NAV2: variants seen among roughly 807,000 people sequenced by gnomAD.
NAV2 encodes neuron navigator 2.
A neutral mutation model predicts 223.2 loss-of-function variants in NAV2; 54 were observed. The observed-to-expected ratio is 0.24, with a 90% CI of 0.19 to 0.30. NAV2 has a LOEUF of 0.30. Ranked by LOEUF, NAV2 falls within the 10% of genes least tolerant of loss-of-function variation. The probability of loss-of-function intolerance (pLI) is 1.00; values close to 1 mark genes in which losing one functional copy is unlikely to be tolerated. For missense variants in NAV2, 2,806 were observed against 3,147.5 expected, an observed-to-expected ratio of 0.89 and a Z score of 2.60; for synonymous variants, 1,279 against 1,239.3, an observed-to-expected ratio of 1.03 and a Z score of -0.67.
upstream of NAV2, chr11:19,350,688 G>T: frequency 2.0e-6 from 1 of 489,996 alleles, no homozygotes; most frequent in South Asian, 2.3e-5. Context: ...CTCATGAAGC[G>T]AGTCTCAGAC....
chr11:19,441,355 T>C (rs943364070), intron 1 of NAV2, among the ~76,000 whole-genome samples: 1 of 151,950 alleles, frequency 6.6e-6, no homozygotes, highest in African/African-American at 2.4e-5. Flanking sequence ...GTTTTAAACA[T>C]GAGAGATATG....
chr11:19,547,225 G>A (rs2044529661), intron 1 of NAV2, among the ~76,000 whole-genome samples: 2 of 152,194 alleles, frequency 1.3e-5, no homozygotes, highest in South Asian at 2.1e-4. Flanking sequence ...AAGTAGCCAG[G>A]GCTGCTGTGA....
intron 2 of NAV2, among the ~76,000 whole-genome samples, chr11:19,837,061 A>G (rs2060276191): frequency 6.6e-6 from 1 of 152,212 alleles, no homozygotes; most frequent in Non-Finnish European, 1.5e-5. Flanking sequence ...GAGGACACAA[A>G]CATTCAGACC....
intron 1 of NAV2, among the ~76,000 whole-genome samples, chr11:19,697,146 AG>A (rs1409923820): frequency 1.3e-5 from 2 of 152,232 alleles, no homozygotes; most frequent in Non-Finnish European, 2.9e-5. Context: ...GTGGAGCTGG[AG>A]GTCATTATCC....
chr11:20,106,202 T>C (rs1388713196), intron 35 of NAV2, among the ~76,000 whole-genome samples: 2 of 86,372 alleles, frequency 2.3e-5, no homozygotes, highest in East Asian at 3.0e-4. Flanking sequence ...TATATATATA[T>C]ATATATATAT....
In NAV2 at chr11:19,814,527, T is replaced by C. The variant is rs1157717460; in HGVS notation, c.268-17957T>C. 2.0e-5 allele frequency among the ~76,000 whole-genome samples: 3 copies of C among 152,252 alleles called. No individual in the cohort carries two copies. The South Asian group carries it at 6.2e-4, about 32-fold the overall frequency. ...GGCAAGATGCATTTTTATTCCTTTATGCCTCCTTAACCTTCAGACAGTTAC... is the reference window on the plus strand; with the variant it reads ...GGCAAGATGCATTTTTATTCCTTTACGCCTCCTTAACCTTCAGACAGTTAC... On this transcript the variant is annotated intron_variant, in intron 1 of 37. Coordinates refer to ENST00000349880, the MANE Select transcript of NAV2 (RefSeq NM_145117.5).
chr11:19,975,239 C>T (rs1037555433), intron 10 of NAV2, among the ~76,000 whole-genome samples: 4 of 152,194 alleles, frequency 2.6e-5, no homozygotes, highest in South Asian at 2.1e-4. Flanking sequence ...TGTCAATTTT[C>T]GAACGTGTGC....
Position 19,713,743 on chromosome 11 carries a change from A to G in NAV2, c.48A>G (p.Lys16=). 1 of 1,609,710 alleles carries G rather than the reference A, an allele frequency of 6.2e-7. No homozygotes were observed. The highest frequency in any genetic ancestry group is 8.5e-7 in the Non-Finnish European group (1 of 1,177,822). Residue 16 remains lysine, a synonymous_variant, in exon 1 of 38, where the codon AAA becomes AAG. Transcript: ENST00000349880. This position sits in a 1 kb window ranked among gnomAD's most constrained non-coding sequence, Gnocchi z 7.2. The stretch of plus-strand genomic sequence containing the variant: ...CCAAAATGAAGTCGGGACTGCCCAA[A>G]CCCGTGCACAGCGCCGCGCCCATCC... ...VASKMKSGLP[K]PVHSAAPILH...
chr11:19,531,886 TG>T (rs1389816949), intron 1 of NAV2, among the ~76,000 whole-genome samples: 2 of 152,136 alleles, frequency 1.3e-5, no homozygotes, highest in African/African-American at 4.8e-5. Flanking sequence ...TATTAAAATG[TG>T]GAAAAAATGT....
chr11:19,523,745 C>T (rs1427618164), intron 1 of NAV2, among the ~76,000 whole-genome samples: 1 of 152,174 alleles, frequency 6.6e-6, no homozygotes, highest in Admixed American at 6.5e-5. Flanking sequence ...CTTCAGGACT[C>T]GTCACCATCT....
At position 19,447,163 on chromosome 11, in the gene NAV2, C is replaced by G. The variant is rs141163166; in HGVS notation, c.75+96136C>G. On this transcript the variant is annotated intron_variant, in intron 1 of 37. Transcript: ENST00000360655. ...GGTTTATCTGCTTTCTAATCCTAACCTGAATCCTTTTCCAAATGAACAAAA... is the reference window on the plus strand; with the variant it reads ...GGTTTATCTGCTTTCTAATCCTAACGTGAATCCTTTTCCAAATGAACAAAA... 8.7e-4 allele frequency among the ~76,000 whole-genome samples: 133 copies of G among 152,358 alleles called. 2 individuals carry two copies. Among genetic ancestry groups the G allele is most frequent in the South Asian group, 1.0e-3 (5 of 4,832 alleles).
chr11:20,024,713 C>T (rs531686157), intron 11 of NAV2, among the ~76,000 whole-genome samples: 7 of 152,298 alleles, frequency 4.6e-5, no homozygotes, highest in Non-Finnish European at 7.3e-5. Context: ...GGGAGATAGC[C>T]GCCTCCCTTG....
At chr11:19,770,435 G>C (rs1472719524) in intron 1 of NAV2, among the ~76,000 whole-genome samples, 2 of 152,070 alleles carry the variant, frequency 1.3e-5, no homozygotes, top group African/African-American at 4.8e-5. Context: ...GCCCTTAAAA[G>C]GGGGTCAGAG....
chr11:19,900,291 CAAAGTCTCGGGGCCAGTG>C (rs539478014), intron 6 of NAV2, among the ~76,000 whole-genome samples: 62,284 of 151,308 alleles, frequency 0.41, 15,302 homozygotes, highest in Non-Finnish European at 0.54. Flanking sequence ...GAAGTTGTAT[CAAAGTCTCGGGGCCAGTG>C]TTCAGTTATC....
chr11:19,606,079 T>C (rs2046470132), intron 1 of NAV2, among the ~76,000 whole-genome samples: 1 of 152,184 alleles, frequency 6.6e-6, no homozygotes, highest in Admixed American at 6.5e-5. Context: ...ACTTAAGTGC[T>C]CAGAATTACT....
Position 20,106,192 on chromosome 11 carries a change from T to TAC in NAV2, c.6841+466_6841+467insCA, listed in dbSNP as rs1167186058. Among the ~76,000 whole-genome samples the TAC allele has an allele frequency of 4.6e-4, 31 of 67,314 alleles. 3 individuals are homozygous for TAC. In the East Asian group the frequency reaches 8.2e-3, roughly 18 times the overall value. The allele number at this position is 67,314 out of a possible 152,430, so 44.2% of individuals were successfully genotyped here. On this transcript the variant is annotated intron_variant, in intron 35 of 37. Coordinates refer to ENST00000349880, the MANE Select transcript of NAV2 (RefSeq NM_145117.5). ...ATATATATATGTGTGTGTATATATA[T>TAC]ATATATATATATATATATATATATA...
intron 1 of NAV2, among the ~76,000 whole-genome samples, chr11:19,819,685 A>G (rs1280939125): frequency 6.6e-6 from 1 of 152,254 alleles, no homozygotes; most frequent in Non-Finnish European, 1.5e-5. Context: ...GGAAACTAAC[A>G]GTAAAGGCAC....
At chr11:19,421,179 G>T (rs1850597039) in intron 1 of NAV2, among the ~76,000 whole-genome samples, 1 of 152,164 alleles carries the variant, frequency 6.6e-6, no homozygotes, top group Admixed American at 6.5e-5. Context: ...AAGCCCTCCA[G>T]CCCTCTCAGC....
chr11:19,573,653 A>G (rs1264819903), intron 1 of NAV2, among the ~76,000 whole-genome samples: 1 of 152,204 alleles, frequency 6.6e-6, no homozygotes, highest in Non-Finnish European at 1.5e-5. Context: ...AGAGAGATTA[A>G]GAAACTTATC....
Sources: gnomAD v4.1 joint callset for allele counts (sites outside exome capture counted in the v4.1 genomes callset) on GRCh38, gnomAD v4.1.1 for gene constraint, Gnocchi (gnomAD v3.1) non-coding constraint, MANE v1.5 for transcripts, NCBI Gene and HGNC (gene_info 2026-07-23, HGNC 2026-07-21) for gene names.